The following ELOVL6 variants were observed in gnomAD, a reference collection of about 807,000 sequenced individuals.
The protein encoded by ELOVL6 is ELOVL fatty acid elongase 6.
Under a neutral mutation model 31.7 loss-of-function variants are expected in ELOVL6, and 8 were observed. That is an observed-to-expected ratio of 0.25 (90% CI 0.15 to 0.45). The LOEUF (loss-of-function observed/expected upper bound fraction) is 0.45. Ranked by LOEUF, ELOVL6 falls within the 20% of genes least tolerant of loss-of-function variation. The probability of loss-of-function intolerance (pLI) is 1.00; values close to 1 mark genes in which losing one functional copy is unlikely to be tolerated. For missense variants in ELOVL6, 126 were observed against 326.4 expected, an observed-to-expected ratio of 0.39 and a Z score of 4.73; for synonymous variants, 101 against 117.7, an observed-to-expected ratio of 0.86 and a Z score of 0.92.
At chr4:110,074,384 T>C (rs1755572465) in intron 2 of ELOVL6, among the ~76,000 whole-genome samples, 2 of 152,154 alleles carry the variant, frequency 1.3e-5, no homozygotes, top group Admixed American at 1.3e-4. Flanking sequence ...AACCTATAGA[T>C]ATGGAGGGCT....
intron 1 of ELOVL6, among the ~76,000 whole-genome samples, chr4:110,129,891 A>ATTTT (rs371838858): frequency 0.027 from 2,527 of 93,368 alleles, 150 homozygotes; most frequent in African/African-American, 0.089. Context: ...ATCCAATCCA[A>ATTTT]TTTTTTTTTT....
At chr4:110,180,769 TG>T (rs1237931383) in intron 1 of ELOVL6, among the ~76,000 whole-genome samples, 5 of 152,184 alleles carry the variant, frequency 3.3e-5, no homozygotes, top group Admixed American at 2.0e-4. Flanking sequence ...AGCTTAAGAA[TG>T]AAATTTTGTC....
At chr4:110,084,577 T>G (rs1184405776) in intron 2 of ELOVL6, among the ~76,000 whole-genome samples, 1 of 48,424 alleles carries the variant, frequency 2.1e-5, no homozygotes, top group East Asian at 8.1e-4. Flanking sequence ...TATATATATA[T>G]ATATATATAT....
At chr4:110,152,064 G>A (rs1305646542) in intron 1 of ELOVL6, among the ~76,000 whole-genome samples, 3 of 152,236 alleles carry the variant, frequency 2.0e-5, no homozygotes, top group African/African-American at 7.2e-5. Context: ...CAGAGTAACA[G>A]TAAGATAAAT....
chr4:110,167,880 G>T (rs1356504730), intron 1 of ELOVL6, among the ~76,000 whole-genome samples: 1 of 152,100 alleles, frequency 6.6e-6, no homozygotes, highest in Non-Finnish European at 1.5e-5. Context: ...CTATCTCCAT[G>T]ATTAGGGCTA....
chr4:110,081,998 C>T (rs1464437926), intron 2 of ELOVL6, among the ~76,000 whole-genome samples: 1 of 150,778 alleles, frequency 6.6e-6, no homozygotes, highest in Non-Finnish European at 1.5e-5. Flanking sequence ...AAAAAATGCT[C>T]ATCATCACTG....
At chr4:110,150,601 G>A (rs1439670167) in intron 1 of ELOVL6, among the ~76,000 whole-genome samples, 2 of 152,022 alleles carry the variant, frequency 1.3e-5, no homozygotes, top group Non-Finnish European at 2.9e-5. Context: ...AACTAAAAAT[G>A]CTTAAAATTC....
chr4:110,093,190 A>G, intron 2 of ELOVL6: 2 of 402,410 alleles, frequency 5.0e-6, no homozygotes, highest in Non-Finnish European at 9.8e-6. Context: ...AAATGTATTA[A>G]CTGCATTACA....
chr4:110,156,484 G>C (rs369346258), intron 1 of ELOVL6, among the ~76,000 whole-genome samples: 1 of 152,042 alleles, frequency 6.6e-6, no homozygotes, highest in Admixed American at 6.6e-5. Flanking sequence ...CTAGGAGTTC[G>C]AGACTAGCCT....
At chr4:110,056,055 G>A (rs1156745472) in intron 3 of ELOVL6, among the ~76,000 whole-genome samples, 1 of 146,148 alleles carries the variant, frequency 6.8e-6, no homozygotes, top group African/African-American at 2.5e-5. Flanking sequence ...AGTAATGGTT[G>A]CTCAACAATC....
chr4:110,120,726 C>A (rs747259751), intron 1 of ELOVL6, among the ~76,000 whole-genome samples: 1 of 151,790 alleles, frequency 6.6e-6, no homozygotes, highest in Non-Finnish European at 1.5e-5. Flanking sequence ...AGGAATGTTA[C>A]ACTTCTCAAC....
rs1306585444 is a variant in ELOVL6 at position 110,084,401 on chromosome 4, G to GATATATCACACATATC, written c.221+21095_221+21096insGATATGTGTGATATAT. Among the ~76,000 whole-genome samples, 3 of 17,508 alleles carry GATATATCACACATATC rather than the reference G, an allele frequency of 1.7e-4. 1 individual carries two copies. The highest frequency in any genetic ancestry group is 4.8e-4 in the Non-Finnish European group (3 of 6,266). The allele number at this position is 17,508 out of a possible 152,430, so 11.5% of individuals were successfully genotyped here. ...GATATATATCGCATATATGATATAT[G>GATATATCACACATATC]ATATATGACATACATGATATATCAC... On this transcript the variant is annotated intron_variant, in intron 2 of 3. Transcript: ENST00000302274.
At chr4:110,173,777 G>C (rs1759021851) in intron 1 of ELOVL6, among the ~76,000 whole-genome samples, 2 of 151,646 alleles carry the variant, frequency 1.3e-5, no homozygotes, top group Middle Eastern at 3.4e-3. Flanking sequence ...GCATTACCTT[G>C]GGAGCTAAAT....
chr4:110,087,071 G>A (rs1417467439), intron 2 of ELOVL6, among the ~76,000 whole-genome samples: 2 of 152,070 alleles, frequency 1.3e-5, no homozygotes, highest in Non-Finnish European at 2.9e-5. Context: ...TCAAGAGGGG[G>A]AGCCTGTTTA....
intron 1 of ELOVL6, among the ~76,000 whole-genome samples, chr4:110,181,965 T>C (rs1475542167): frequency 6.6e-6 from 1 of 152,246 alleles, no homozygotes; most frequent in Non-Finnish European, 1.5e-5. Context: ...CATTCTGCAG[T>C]ACTACTGAAG....
chr4:110,090,864 A>G (rs1050822111), intron 2 of ELOVL6, among the ~76,000 whole-genome samples: 5 of 151,976 alleles, frequency 3.3e-5, no homozygotes, highest in Middle Eastern at 3.2e-3. Context: ...CGGCCTCCCA[A>G]AGTGCTAGGA....
chr4:110,124,875 G>GT lies in ELOVL6; in HGVS notation c.90-19248dup, dbSNP rs144467931. 6.1e-3 allele frequency among the ~76,000 whole-genome samples: 931 copies of GT among 152,240 alleles called. 14 individuals carry two copies. The highest frequency in any genetic ancestry group is 0.021 in the African/African-American group (882 of 41,542). On this transcript the variant is annotated intron_variant, in intron 1 of 3. Transcript: ENST00000302274. ...ATTAATTCTGCTTCACTGGCCAACTGTTTTTAGGTCCAAGTTGCAAAAAAG... is the reference window on the plus strand; with the variant it reads ...ATTAATTCTGCTTCACTGGCCAACTGTTTTTTAGGTCCAAGTTGCAAAAAAG...
intron 2 of ELOVL6, among the ~76,000 whole-genome samples, chr4:110,101,784 C>A (rs549993146): frequency 3.3e-5 from 5 of 152,270 alleles, no homozygotes; most frequent in African/African-American, 1.2e-4. Flanking sequence ...AGGTGACCCT[C>A]CCACCTCAGC....
At chr4:110,062,608 C>T (rs1333828157) in intron 2 of ELOVL6, among the ~76,000 whole-genome samples, 1 of 152,228 alleles carries the variant, frequency 6.6e-6, no homozygotes, top group Non-Finnish European at 1.5e-5. Context: ...CCCCAAGTTA[C>T]ATTAGCTTGA....
Sources: gnomAD v4.1 joint callset for allele counts (sites outside exome capture counted in the v4.1 genomes callset) on GRCh38, gnomAD v4.1.1 for gene constraint, MANE v1.5 for transcripts, NCBI Gene and HGNC (gene_info 2026-07-23, HGNC 2026-07-21) for gene names.